The following ZNF35 variants were observed in gnomAD, a reference collection of about 807,000 sequenced individuals.
ZNF35 encodes zinc finger protein 35, also known as zinc finger protein 35 (clone HF.10).
In ZNF35, 31 loss-of-function variants were observed where a neutral mutation model predicts 45.9. The observed-to-expected ratio is 0.68, with a 90% confidence interval of 0.51 to 0.91. The LOEUF is 0.91. Ranked by LOEUF, ZNF35 falls within the 40% of genes least tolerant of loss-of-function variation. The pLI, the probability that ZNF35 is intolerant of heterozygous loss-of-function variation, is 0.00. For missense variants in ZNF35, 515 were observed against 625.4 expected (o/e 0.82, Z 1.88); for synonymous variants, 205 against 220.2 (o/e 0.93, Z 0.61).
At chr3:44,648,954 C>G (rs958288054) in intron 1 of ZNF35, 120 bp downstream of exon 1, 9 of 152,344 alleles carry the variant, frequency 5.9e-5, no homozygotes, top group African/African-American at 1.7e-4. Context: ...CCTTGTCTGT[C>G]GGGGTGCGGG....
chr3:44,651,203 T>C lies in ZNF35; in HGVS notation c.136T>C (p.Trp46Arg). 6.2e-7 allele frequency: 1 copy of C among 1,613,852 alleles called. No homozygotes were observed. Among genetic ancestry groups the C allele is most frequent in the Non-Finnish European group, 8.5e-7 (1 of 1,179,964 alleles). Residue 46 changes from tryptophan to arginine, a missense_variant, in exon 2 of 4, where the codon TGG becomes CGG. Transcript: ENST00000396056. Reference protein sequence around the residue: ...QQVHSENIKVWAPVQGLQTGL... With the variant: ...QQVHSENIKVRAPVQGLQTGL... ...AGTGCACTCCGAGAACATCAAAGTC[T>C]GGGCCCCAGTGCAGGGTCTTCAGAC...
chr3:44,652,435 C>A (rs1703221092), intron 2 of ZNF35, 122 bp from the exon 3 acceptor site: 4 of 1,104,554 alleles, frequency 3.6e-6, no homozygotes, highest in Non-Finnish European at 1.2e-6. Context: ...GCTTCCTTTT[C>A]TGTTTTTAAA....
At position 44,660,533 on chromosome 3, in the gene ZNF35, A is replaced by G. The variant is rs927070593; in HGVS notation, c.*586A>G. On this transcript the variant is annotated 3_prime_UTR_variant, in exon 4 of 4. Coordinates refer to ENST00000396056, the MANE Select transcript of ZNF35 (RefSeq NM_003420.4). ...GAAATGGACTTTTTCCTTACTGTCT[A>G]TACCTCCTGAACCTTGGTATTGTAA... 5 of 152,704 alleles carry G rather than the reference A, an allele frequency of 3.3e-5. No homozygotes were observed. Among genetic ancestry groups the G allele is most frequent in the African/African-American group, 1.2e-4 (5 of 41,436 alleles). The allele number at this position is 152,704 out of a possible 1,614,324, so 9.5% of individuals were successfully genotyped here.
At chr3:44,656,685 G>A (rs1357600246) in intron 3 of ZNF35, among the ~76,000 whole-genome samples, 5 of 147,830 alleles carry the variant, frequency 3.4e-5, no homozygotes, top group East Asian at 3.9e-4. Context: ...CACTGCACCC[G>A]GCTTTTTTTT....
At chr3:44,649,083 A>G (rs1359313082) in intron 1 of ZNF35, among the ~76,000 whole-genome samples, 1 of 152,238 alleles carries the variant, frequency 6.6e-6, no homozygotes, top group African/African-American at 2.4e-5. Flanking sequence ...CAGGGCCGCG[A>G]GGAGCCTATA....
intron 3 of ZNF35, among the ~76,000 whole-genome samples, chr3:44,656,463 T>C (rs1703306762): frequency 6.6e-6 from 1 of 151,238 alleles, no homozygotes; most frequent in South Asian, 2.1e-4. Context: ...CGATTTCGGC[T>C]AACTGCAACC....
chr3:44,651,136 G>A lies in ZNF35; in HGVS notation c.69G>A (p.Glu23=), dbSNP rs1158459688. Residue 23 remains glutamate (E), a synonymous_variant, in exon 2 of 4, where the codon GAG becomes GAA. Coordinates refer to ENST00000396056, the MANE Select transcript of ZNF35 (RefSeq NM_003420.4). ...GCCCAGTGAAGGTGAAAAAGGAGGA[G>A]GAAGAAGAAGAAAACTTCCCAGGTC... ...PWGPVKVKKE[E]EEEENFPGQA... 3.1e-6 allele frequency: 5 copies of A among 1,613,810 alleles called. No individual in the cohort carries two copies. The highest frequency in any genetic ancestry group is 3.3e-5 in the Admixed American group (2 of 60,002).
chr3:44,658,672 A>G (rs371086205), intron 3 of ZNF35, 29 bp from the exon 4 acceptor site: 1 of 1,531,394 alleles, frequency 6.5e-7, no homozygotes, highest in Non-Finnish European at 8.7e-7. Context: ...GAGAAAGCTA[A>G]CATTTGTATT....
rs754744154 is a variant in ZNF35 at position 44,659,158 on chromosome 3, C to T, written c.795C>T (p.Leu265=). 1.4e-5 allele frequency: 22 copies of T among 1,613,888 alleles called. No individual in the cohort carries two copies. Among genetic ancestry groups the T allele is most frequent in the Admixed American group, 3.3e-5 (2 of 59,990 alleles). The change falls in exon 4 of 4, where the codon CTC becomes CTT. Residue 265 remains leucine (L), a synonymous_variant. Transcript: ENST00000396056. The surrounding 1 kb of genome is among the most constrained non-coding windows in gnomAD (Gnocchi z 4.3). ...CGKAFIQSAN[L]VVHQRIHTGQ... is the part of the protein sequence containing the mutation. ...AGGCCTTCATTCAGAGTGCAAACCT[C>T]GTTGTGCATCAGAGAATCCACACTG... is the stretch of plus-strand genomic sequence containing the variant.
In ZNF35 at chr3:44,660,575, G is replaced by A. The variant is rs958741155; in HGVS notation, c.*628G>A. 2 of 152,270 alleles carry A rather than the reference G, an allele frequency of 1.3e-5. No individual in the cohort carries two copies. Among genetic ancestry groups the A allele is most frequent in the Non-Finnish European group, 2.9e-5 (2 of 68,118 alleles). 9.4% of individuals were successfully genotyped at this position (152,270 alleles called of 1,614,324 possible). ...GTATTGTAAAGATCTGGGGACCTCT[G>A]GGTCTGTTCTGACCATTCCCTAGTC... On this transcript the variant is annotated 3_prime_UTR_variant, in exon 4 of 4. Transcript: ENST00000396056.
rs1328288117 is a variant in ZNF35, at chr3:44,660,181, G to A, written c.*234G>A. The A allele has an allele frequency of 1.1e-5, 4 of 375,200 alleles. No homozygotes were observed. Among genetic ancestry groups the A allele is most frequent in the African/African-American group, 6.2e-5 (3 of 48,564 alleles). 23.2% of individuals were successfully genotyped at this position (375,200 alleles called of 1,614,324 possible). ...TTTTAACTGTACCTTAAGCGGTCAT[G>A]TTCTCTGAAGTGGAATGTGGCTTTC... is the stretch of plus-strand genomic sequence containing the variant. On this transcript the variant is annotated 3_prime_UTR_variant, in exon 4 of 4. Coordinates refer to ENST00000396056, the MANE Select transcript of ZNF35 (RefSeq NM_003420.4).
At chr3:44,646,687 G>C (rs1559479961), upstream of ZNF35, 1 of 565,078 alleles carries the variant, frequency 1.8e-6, no homozygotes, top group African/African-American at 1.9e-5. Context: ...CTCTGCTTTT[G>C]TGTATGTATG....
At chr3:44,651,332 C>A in intron 2 of ZNF35, 73 bp downstream of exon 2, 2 of 1,424,684 alleles carry the variant, frequency 1.4e-6, no homozygotes, top group Non-Finnish European at 1.9e-6. Flanking sequence ...GGGACTCTGC[C>A]CCTCTGCTTC....
intron 3 of ZNF35, among the ~76,000 whole-genome samples, chr3:44,657,989 T>C (rs1295126216): frequency 6.6e-6 from 1 of 152,168 alleles, no homozygotes; most frequent in East Asian, 1.9e-4. Context: ...GTTTTAGAGA[T>C]TGGGAAACTG....
chr3:44,649,606 G>C (rs1353213561), intron 1 of ZNF35, among the ~76,000 whole-genome samples: 2 of 152,116 alleles, frequency 1.3e-5, no homozygotes, highest in Non-Finnish European at 2.9e-5. Flanking sequence ...GTCAATTAGT[G>C]GGGGTGTGAA....
intron 3 of ZNF35, among the ~76,000 whole-genome samples, chr3:44,655,056 C>T (rs1236751372): frequency 6.6e-6 from 1 of 152,098 alleles, no homozygotes; most frequent in Admixed American, 6.5e-5. Flanking sequence ...ATCGCTTGAA[C>T]CCGGGAGACA....
chr3:44,660,155 G>A lies in ZNF35; in HGVS notation c.*208G>A. On this transcript the variant is annotated 3_prime_UTR_variant, in exon 4 of 4. Transcript: ENST00000396056. ...GTAAGCACCTAAAGGCAAGGACTTT[G>A]TTTTAACTGTACCTTAAGCGGTCAT... 4.2e-6 allele frequency: 2 copies of A among 472,512 alleles called. No homozygotes were observed. The highest frequency in any genetic ancestry group is 3.3e-5 in the East Asian group (1 of 30,364). 29.3% of individuals were successfully genotyped at this position (472,512 alleles called of 1,614,324 possible). A position where few individuals can be genotyped will look rare whatever the true frequency, so the allele number is the denominator to read the frequency against.
chr3:44,656,519 C>A (rs1008965401), intron 3 of ZNF35, among the ~76,000 whole-genome samples: 1 of 151,456 alleles, frequency 6.6e-6, no homozygotes, highest in Non-Finnish European at 1.5e-5. Context: ...GCCTCCAGAG[C>A]AGTTGGGATT....
rs576175790 is a variant in ZNF35, at chr3:44,651,154, C to T, written c.87C>T (p.Phe29=). Residue 29 remains phenylalanine (F), a synonymous_variant, in exon 2 of 4, where the codon TTC becomes TTT. Transcript: ENST00000396056. ...VKKEEEEEEN[F]PGQASSQQVH... is the part of the protein sequence containing the mutation. ...AGGAGGAGGAAGAAGAAGAAAACTTCCCAGGTCAGGCATCCAGCCAACAAG... is the reference window on the plus strand; with the variant it reads ...AGGAGGAGGAAGAAGAAGAAAACTTTCCAGGTCAGGCATCCAGCCAACAAG... The T allele has an allele frequency of 3.7e-6, 6 of 1,614,150 alleles. No homozygotes were observed. Among genetic ancestry groups the T allele is most frequent in the South Asian group, 2.2e-5 (2 of 91,072 alleles).
Sources: gnomAD v4.1 joint callset for allele counts (sites outside exome capture counted in the v4.1 genomes callset) on GRCh38, gnomAD v4.1.1 for gene constraint, Gnocchi (gnomAD v3.1) non-coding constraint, MANE v1.5 for transcripts, NCBI Gene and HGNC (gene_info 2026-07-23, HGNC 2026-07-21) for gene names.